The following APEH variants were observed in gnomAD, a reference collection of about 807,000 sequenced individuals.
APEH encodes acylamino-acid-releasing enzyme.
In APEH, 75 loss-of-function variants were observed where a neutral mutation model predicts 102.7. The observed-to-expected ratio is 0.73, with a 90% CI of 0.61 to 0.89. APEH has a LOEUF of 0.89. APEH is among the 40% of genes least tolerant of loss of function. The pLI is 0.00. For synonymous variants in APEH, 344 were observed against 362.7 expected (o/e 0.95, Z 0.59); for missense variants, 863 against 941.2 (o/e 0.92, Z 1.09).
intron 17 of APEH, 102 bp from the exon 18 acceptor site, chr3:49,682,246 G>A (rs1295738280): frequency 8.2e-7 from 1 of 1,223,070 alleles, no homozygotes. Flanking sequence ...ACAGTCTGTG[G>A]TATAGCTGGC....
At position 49,678,909 on chromosome 3, in the gene APEH, G is replaced by A. The variant is rs1302731701; in HGVS notation, c.1118G>A (p.Ser373Asn). The A allele has an allele frequency of 6.2e-7, 1 of 1,613,920 alleles. No individual in the cohort carries two copies. Among genetic ancestry groups the A allele is most frequent in the Admixed American group, 1.7e-5 (1 of 60,018 alleles). ...CCTTTGGGATGCTGGTCAGCTGACA[G>A]CCAGAGAGTGGTCTTTGACTCGGCT... ...LLPLGCWSAD[S>N]QRVVFDSAQR... is the part of the protein sequence containing the mutation. The change falls in exon 12 of 22, where the codon AGC (serine) becomes AAC (asparagine). Residue 373 changes from serine to asparagine, a missense_variant. By Grantham distance (46) the Ser-to-Asn change is conservative. Coordinates refer to ENST00000296456, the MANE Select transcript of APEH (RefSeq NM_001640.4).
Position 49,679,404 on chromosome 3 carries a change from T to C in APEH, c.1159-189T>C, listed in dbSNP as rs1260144011. Among the ~76,000 whole-genome samples the C allele has an allele frequency of 6.6e-6, 1 of 152,166 alleles. No homozygotes were observed. Among genetic ancestry groups the C allele is most frequent in the Non-Finnish European group, 1.5e-5 (1 of 68,016 alleles). On this transcript the variant is annotated intron_variant, in intron 12 of 21. Coordinates refer to ENST00000296456, the MANE Select transcript of APEH (RefSeq NM_001640.4). The surrounding 1 kb of genome is among the most constrained non-coding windows in gnomAD (Gnocchi z 4.3). ...CCCAGGGTCACCCAGCAAGTTGTGATGGTGCTGGGATTTGAACCCAGGCCC... is the reference window on the plus strand; with the variant it reads ...CCCAGGGTCACCCAGCAAGTTGTGACGGTGCTGGGATTTGAACCCAGGCCC...
chr3:49,678,894 G>A lies in APEH; in HGVS notation c.1103G>A (p.Cys368Tyr). The A allele has an allele frequency of 6.2e-7, 1 of 1,613,914 alleles. No homozygotes were observed. Among genetic ancestry groups the A allele is most frequent in the Non-Finnish European group, 8.5e-7 (1 of 1,179,984 alleles). Reference sequence around the variant, plus strand: ...TACTGCAGCCTTCTGCCTTTGGGATGCTGGTCAGCTGACAGCCAGAGAGTG... The same window carrying A: ...TACTGCAGCCTTCTGCCTTTGGGATACTGGTCAGCTGACAGCCAGAGAGTG... ...GIYCSLLPLG[C>Y]WSADSQRVVF... is the part of the protein sequence containing the mutation. The change falls in exon 12 of 22, where the codon TGC becomes TAC. Residue 368 changes from cysteine (C) to tyrosine (Y), a missense_variant. Coordinates refer to ENST00000296456, the MANE Select transcript of APEH (RefSeq NM_001640.4).
In APEH at chr3:49,678,682, C is replaced by T. The variant is rs117821145; in HGVS notation, c.1061-170C>T. 1.1e-4 allele frequency among the ~76,000 whole-genome samples: 16 copies of T among 152,298 alleles called. No individual in the cohort carries two copies. The East Asian group carries it at 2.1e-3, about 20-fold the overall frequency. On this transcript the variant is annotated intron_variant, in intron 11 of 21. Transcript: ENST00000296456. The stretch of plus-strand genomic sequence containing the variant: ...GGCCTCTGCCCCTCAGCCACCTACT[C>T]AGGCAGCTCCTCATCGCGTAGCGTG...
In APEH at chr3:49,683,703, C is replaced by A; in HGVS notation, c.*361C>A. The A allele has an allele frequency of 2.1e-6, 1 of 465,894 alleles. No homozygotes were observed. The highest frequency in any genetic ancestry group is 3.9e-6 in the Non-Finnish European group (1 of 257,174). The allele number at this position is 465,894 out of a possible 1,614,324, so 28.9% of individuals were successfully genotyped here. A position where few individuals can be genotyped will look rare whatever the true frequency, so the allele number is the denominator to read the frequency against. On this transcript the variant is annotated 3_prime_UTR_variant, in exon 22 of 22. Coordinates refer to ENST00000296456, the MANE Select transcript of APEH (RefSeq NM_001640.4). ...CTGTACCAGCCTAGCTTCCCTGCTG[C>A]AGCCCCTTCCATTAGCAACTACTCT...
chr3:49,678,098 A>T (rs565149715), intron 11 of APEH, among the ~76,000 whole-genome samples: 1 of 152,242 alleles, frequency 6.6e-6, no homozygotes, highest in Non-Finnish European at 1.5e-5. Context: ...CCCTGAAGTC[A>T]GCTGGGTCTT....
In APEH at chr3:49,675,936, C is replaced by G; in HGVS notation, c.412C>G (p.Leu138Val). The change falls in exon 5 of 22, where the codon CTG (leucine) becomes GTG (valine). Residue 138 changes from leucine (L) to valine (V), a missense_variant. Leu to Val is a conservative substitution (Grantham distance 32, BLOSUM62 1). Coordinates refer to ENST00000296456, the MANE Select transcript of APEH (RefSeq NM_001640.4). ...RKLKSFNLSALEKHGPVYEDD... is the reference protein window; with the variant it reads ...RKLKSFNLSAVEKHGPVYEDD... ...GCTCAAGAGCTTCAACCTGTCAGCG[C>G]TGGAGAAACATGGGCCTGTTTATGA... 3.1e-6 allele frequency: 5 copies of G among 1,614,206 alleles called. No homozygotes were observed. Among genetic ancestry groups the G allele is most frequent in the Non-Finnish European group, 4.2e-6 (5 of 1,180,030 alleles).
At chr3:49,680,700 T>G in intron 14 of APEH, 71 bp downstream of exon 14, 5 of 1,396,194 alleles carry the variant, frequency 3.6e-6, no homozygotes, top group Non-Finnish European at 5.0e-6. Flanking sequence ...GGTCAGGGAA[T>G]TGGCCCCAGA....
Position 49,675,803 on chromosome 3 carries a change from A to C in APEH, c.366+16A>C. The C allele has an allele frequency of 6.2e-7, 1 of 1,613,348 alleles. No individual in the cohort carries two copies. Among genetic ancestry groups the C allele is most frequent in the South Asian group, 1.1e-5 (1 of 91,064 alleles). The stretch of plus-strand genomic sequence containing the variant: ...GTTCCTGGAGGTGAGTCTGCATGGG[A>C]CCAGGTAGTGGGTGACAAGAGAGAG... On this transcript the variant is annotated intron_variant, in intron 4 of 21. Transcript: ENST00000296456.
In APEH at chr3:49,681,929, C is replaced by A. The variant is rs781097504; in HGVS notation, c.1565C>A (p.Pro522Gln). The change falls in exon 17 of 22, where the codon CCA becomes CAA. Residue 522 changes from proline (P) to glutamine (Q), a missense_variant. Pro to Gln is a moderately conservative substitution (Grantham distance 76). Transcript: ENST00000296456. ...SSFVTAWMLF[P>Q]AMLCKMGFAV... ...TTTGTCACTGCCTGGATGCTGTTCC[C>A]AGCCATGCTTTGCAAGATGGGCTTT... The A allele has an allele frequency of 3.7e-6, 6 of 1,614,208 alleles. No individual in the cohort carries two copies. The South Asian group carries it at 6.6e-5, about 18-fold the overall frequency.
In APEH at chr3:49,683,331, T is replaced by C. The variant is rs916186513; in HGVS notation, c.2188T>C (p.Leu730=). The C allele has an allele frequency of 6.2e-6, 10 of 1,612,744 alleles. No individual in the cohort carries two copies. The Middle Eastern group carries it at 5.0e-4, about 80-fold the overall frequency. Residue 730 remains leucine, a synonymous_variant, in exon 22 of 22, where the codon TTG becomes CTG. Coordinates refer to ENST00000296456, the MANE Select transcript of APEH (RefSeq NM_001640.4). Reference sequence around the variant, plus strand: ...TGCTGTGCTCTGGCTACGCACACACTTGGGCAGCTGAAGCCCTGCCATTCT... The same window carrying C: ...TGCTGTGCTCTGGCTACGCACACACCTGGGCAGCTGAAGCCCTGCCATTCT... ...MNAVLWLRTH[L]GS
chr3:49,676,388 TTG>T lies in APEH; in HGVS notation c.621_622del (p.Phe208LeufsTer2). On this transcript the variant is annotated frameshift_variant, in exon 7 of 22. Coordinates refer to ENST00000296456, the MANE Select transcript of APEH (RefSeq NM_001640.4). LOFTEE classifies it high-confidence loss of function. Reference sequence around the variant, plus strand: ...ATCTTGTGTTCTCAGGGGGATCAGTTTGTGTTTTATGAAGACTGGGGAGAAAA... The same window carrying T: ...ATCTTGTGTTCTCAGGGGGATCAGTTTGTTTTATGAAGACTGGGGAGAAAA... The T allele has an allele frequency of 6.2e-7, 1 of 1,614,180 alleles. No homozygotes were observed. The highest frequency in any genetic ancestry group is 8.5e-7 in the Non-Finnish European group (1 of 1,180,026).
Position 49,679,996 on chromosome 3 carries a change from T to C in APEH, c.1210+352T>C, listed in dbSNP as rs953330681. 3 of 256,204 alleles carry C rather than the reference T, an allele frequency of 1.2e-5. No homozygotes were observed. In the South Asian group the frequency reaches 1.3e-4, roughly 11 times the overall value. The allele number at this position is 256,204 out of a possible 1,614,324, so 15.9% of individuals were successfully genotyped here. ...TCTCGCTCTGCAAACCTTGGGTGCC[T>C]GTCTCAGGCAGAGGCAGCTCTGCCA... On this transcript the variant is annotated intron_variant, in intron 13 of 21. Coordinates refer to ENST00000296456, the MANE Select transcript of APEH (RefSeq NM_001640.4). The surrounding 1 kb of genome is among the most constrained non-coding windows in gnomAD (Gnocchi z 4.3).
At position 49,682,520 on chromosome 3, in the gene APEH, G is replaced by A. The variant is rs750401878; in HGVS notation, c.1693-26G>A. ...CATTCAGCTGAGCGGGCAGCTGGCT[G>A]CAGCATGCTTTGTCCCACCCTGCAG... On this transcript the variant is annotated intron_variant, in intron 18 of 21. Transcript: ENST00000296456. 18 of 1,613,550 alleles carry A rather than the reference G, an allele frequency of 1.1e-5. No individual in the cohort carries two copies. The African/African-American group carries it at 2.0e-4, about 18-fold the overall frequency.
intron 12 of APEH, 28 bp downstream of exon 12, chr3:49,678,977 C>T (rs758243346): frequency 1.3e-6 from 2 of 1,591,448 alleles, no homozygotes; most frequent in Admixed American, 3.3e-5. Context: ...TGTTGAGGGG[C>T]AGCCCCTGTG....
intron 3 of APEH, 56 bp from the exon 4 acceptor site, chr3:49,675,638 G>T: frequency 1.3e-6 from 2 of 1,500,880 alleles, no homozygotes; most frequent in Non-Finnish European, 1.9e-6. Flanking sequence ...GCCCAGTAGG[G>T]AGCAGGAAGG....
rs567984488 is a variant in APEH at position 49,679,081 on chromosome 3, C to T, written c.1158+132C>T. The T allele has an allele frequency of 4.2e-6, 3 of 708,694 alleles. No individual in the cohort carries two copies. The highest frequency in any genetic ancestry group is 2.7e-5 in the East Asian group (1 of 36,808). 43.9% of individuals were successfully genotyped at this position (708,694 alleles called of 1,614,324 possible). A position where few individuals can be genotyped will look rare whatever the true frequency, so the allele number is the denominator to read the frequency against. On this transcript the variant is annotated intron_variant, in intron 12 of 21. Transcript: ENST00000296456. This position sits in a 1 kb window ranked among gnomAD's most constrained non-coding sequence, Gnocchi z 4.3. Reference sequence around the variant, plus strand: ...CATCAGCCCCTTAAAACCCTGCCTGCCCATCCTGGACTCATTTCTCCTGGA... The same window carrying T: ...CATCAGCCCCTTAAAACCCTGCCTGTCCATCCTGGACTCATTTCTCCTGGA...
chr3:49,674,499 G>C lies in APEH; in HGVS notation c.23G>C (p.Ser8Thr). MERQVLL[S>T]EPEEAAALYR... The stretch of plus-strand genomic sequence containing the variant: ...GTGTCCCCTGCGCAGGTGCTGCTGA[G>C]CGAGCCCGAGGAGGCGGCGGCTCTG... Residue 8 changes from serine (S) to threonine (T), a missense_variant, in exon 2 of 22, where the codon AGC (serine) becomes ACC (threonine). By Grantham distance (58) the Ser-to-Thr change is moderately conservative. Transcript: ENST00000296456. The C allele has an allele frequency of 6.4e-7, 1 of 1,569,588 alleles. No homozygotes were observed. The highest frequency in any genetic ancestry group is 1.1e-5 in the South Asian group (1 of 87,320).
intron 17 of APEH, 93 bp from the exon 18 acceptor site, chr3:49,682,255 G>T: frequency 7.8e-7 from 1 of 1,286,010 alleles, no homozygotes; most frequent in South Asian, 1.3e-5. Context: ...GGTATAGCTG[G>T]CCCCAGGGCC....
Sources: allele counts gnomAD v4.1 joint callset (sites outside exome capture counted in the v4.1 genomes callset), GRCh38; gene constraint gnomAD v4.1.1; non-coding constraint Gnocchi (gnomAD v3.1); transcripts MANE v1.5; gene names NCBI Gene and HGNC (gene_info 2026-07-23, HGNC 2026-07-21).